The following TERT variants were observed in gnomAD, a reference collection of about 807,000 sequenced individuals.
TERT encodes the protein telomerase reverse transcriptase, also known as telomerase catalytic subunit.
TERT carries 42 observed loss-of-function variants against 104.0 expected under a neutral mutation model. That is an observed-to-expected ratio of 0.40 (90% CI 0.32 to 0.52). The LOEUF (loss-of-function observed/expected upper bound fraction) is 0.52, where lower values mean the gene tolerates loss of function less well. Ranked by LOEUF, TERT falls within the 20% of genes least tolerant of loss-of-function variation. The pLI is 0.43. For missense variants in TERT, 1,101 were observed against 1,610.3 expected (o/e 0.68, Z 5.41); for synonymous variants, 781 against 725.6 (o/e 1.08, Z -1.23).
chr5:1,253,273 T>C lies in TERT; in HGVS notation c.*455A>G, dbSNP rs982319143. ...CATCCAGGTGCAGGGTCCTCGCCTGTGTACAGGGCACACCTTTGGTCACTC... is the reference window on the plus strand; with the variant it reads ...CATCCAGGTGCAGGGTCCTCGCCTGCGTACAGGGCACACCTTTGGTCACTC... On this transcript the variant is annotated 3_prime_UTR_variant, in exon 16 of 16. Transcript: ENST00000310581. 2 of 314,176 alleles carry C rather than the reference T, an allele frequency of 6.4e-6. No homozygotes were observed. The highest frequency in any genetic ancestry group is 4.2e-5 in the African/African-American group (2 of 48,152). 19.5% of individuals were successfully genotyped at this position (314,176 alleles called of 1,614,324 possible).
rs939461904 is a variant in TERT, at chr5:1,269,040, C to T, written c.2469-407G>A. On this transcript the variant is annotated intron_variant, in intron 8 of 15. Coordinates refer to ENST00000310581, the MANE Select transcript of TERT (RefSeq NM_198253.3). The surrounding 1 kb of genome is among the most constrained non-coding windows in gnomAD (Gnocchi z 9.0). ...CATGACCCTACATGTAGCCGCTGCG[C>T]GCCAACGGATACAACCTTGCCCCTA... Among the ~76,000 whole-genome samples the T allele has an allele frequency of 5.9e-5, 9 of 151,920 alleles. No individual in the cohort carries two copies. The highest frequency in any genetic ancestry group is 8.8e-5 in the Non-Finnish European group (6 of 67,988).
chr5:1,258,840 C>T (rs953606922), intron 12 of TERT, among the ~76,000 whole-genome samples, 181 bp from the exon 13 acceptor site: 4 of 152,252 alleles, frequency 2.6e-5, no homozygotes, highest in Admixed American at 6.5e-5. Context: ...CCACCCTGGG[C>T]GAGTCAAGAC....
intron 6 of TERT, among the ~76,000 whole-genome samples, chr5:1,277,404 A>G (rs1338433831): frequency 6.6e-6 from 1 of 152,206 alleles, no homozygotes; most frequent in Non-Finnish European, 1.5e-5. Flanking sequence ...GGAAGGATAC[A>G]TCCACGTGGC....
At chr5:1,258,011 T>C (rs1192028589) in intron 13 of TERT, among the ~76,000 whole-genome samples, 1 of 152,216 alleles carries the variant, frequency 6.6e-6, no homozygotes, top group African/African-American at 2.4e-5. Context: ...CTCCACAGAT[T>C]GGCCCTTCCC....
At position 1,293,370 on chromosome 5, in the gene TERT, G is replaced by A. The variant is rs758250185; in HGVS notation, c.1516C>T (p.Gln506Ter). ...ACGCTCATCTTCCACGTCAGCTCCT[G>A]CAGCGAGAGCTTGGCATGCTTCCCC... ...SLGKHAKLSL[Q>*]ELTWKMSVRD... The change falls in exon 2 of 16, where the codon CAG becomes TAG. Residue 506 changes from glutamine to a stop codon, truncating the protein, a stop_gained. Transcript: ENST00000310581. LOFTEE classifies it high-confidence loss of function. 4 of 1,613,376 alleles carry A rather than the reference G, an allele frequency of 2.5e-6. No homozygotes were observed. The highest frequency in any genetic ancestry group is 3.4e-6 in the Non-Finnish European group (4 of 1,180,012).
intron 10 of TERT, among the ~76,000 whole-genome samples, chr5:1,266,217 C>T (rs528722087): frequency 1.2e-4 from 18 of 152,348 alleles, no homozygotes; most frequent in Admixed American, 5.9e-4. Context: ...GCACTCACCA[C>T]GTGTGTAACC....
intron 15 of TERT, 40 bp downstream of exon 15, chr5:1,254,328 T>C: frequency 6.2e-7 from 1 of 1,612,554 alleles, no homozygotes; most frequent in Non-Finnish European, 8.5e-7. Flanking sequence ...GGATGACCCC[T>C]GGGCAGGTGG....
intron 2 of TERT, 64 bp from the exon 3 acceptor site, chr5:1,282,688 G>A: frequency 1.3e-6 from 2 of 1,542,526 alleles, no homozygotes; most frequent in South Asian, 1.1e-5. Context: ...CCCCGGACCT[G>A]CACCATCCGG....
At position 1,277,977 on chromosome 5, in the gene TERT, C is replaced by T. The variant is rs35438621; in HGVS notation, c.2286+664G>A. Among the ~76,000 whole-genome samples the T allele has an allele frequency of 1.9e-3, 284 of 151,230 alleles. 1 individual carries two copies. Among genetic ancestry groups the T allele is most frequent in the African/African-American group, 6.4e-3 (260 of 40,528 alleles). On this transcript the variant is annotated intron_variant, in intron 6 of 15. Transcript: ENST00000310581. ...CCTGCCGAGCCCCAAGGCCCCCGGC[C>T]GCTCTGGGAGGAGTGTGTCCCGGGG...
chr5:1,284,452 C>CT (rs1750321342), intron 2 of TERT, among the ~76,000 whole-genome samples: 1 of 112,104 alleles, frequency 8.9e-6, no homozygotes, highest in African/African-American at 3.1e-5. Context: ...GGCGACCTCA[C>CT]CCCGGACCGG....
At chr5:1,290,176 A>G (rs1317359301) in intron 2 of TERT, among the ~76,000 whole-genome samples, 4 of 63,892 alleles carry the variant, frequency 6.3e-5, no homozygotes, top group South Asian at 4.8e-4. Context: ...ACCCGGGGAC[A>G]GTGCCTCACT....
At chr5:1,271,258 G>A in intron 7 of TERT, 54 bp from the exon 8 acceptor site, 1 of 1,338,080 alleles carries the variant, frequency 7.5e-7, no homozygotes, top group Non-Finnish European at 1.1e-6. Context: ...GCTGAGACAG[G>A]CAGGACCACG....
intron 2 of TERT, among the ~76,000 whole-genome samples, chr5:1,291,516 G>GGCC (rs1197788946): frequency 6.4e-5 from 7 of 108,552 alleles, no homozygotes; most frequent in African/African-American, 7.7e-5. Flanking sequence ...GACACCCGGG[G>GGCC]ACAGTGCCTC....
chr5:1,266,434 G>T (rs761097857), intron 10 of TERT, 30 bp downstream of exon 10: 3 of 1,577,620 alleles, frequency 1.9e-6, no homozygotes, highest in African/African-American at 1.3e-5. Flanking sequence ...GGCTGTGGAG[G>T]TCCCCACAGA....
In TERT at chr5:1,294,433, G is replaced by A. The variant is rs1231661722; in HGVS notation, c.453C>T (p.His151=). ...LRRVGDDVLV[H]LLARCALFVL... is the part of the protein sequence containing the mutation. ...CAAAGAGCGCGCAGCGTGCCAGCAGGTGAACCAGCACGTCGTCGCCCACGC... is the reference window on the plus strand; with the variant it reads ...CAAAGAGCGCGCAGCGTGCCAGCAGATGAACCAGCACGTCGTCGCCCACGC... Residue 151 remains histidine, a synonymous_variant, in exon 2 of 16, where the codon CAC becomes CAT. Transcript: ENST00000310581. 2 of 1,592,584 alleles carry A rather than the reference G, an allele frequency of 1.3e-6. No individual in the cohort carries two copies. The highest frequency in any genetic ancestry group is 2.2e-5 in the East Asian group (1 of 44,620).
chr5:1,278,355 A>C (rs1443657422), intron 6 of TERT, among the ~76,000 whole-genome samples: 2 of 152,124 alleles, frequency 1.3e-5, no homozygotes, highest in Non-Finnish European at 2.9e-5. Context: ...CACATCACAG[A>C]CATGCAGCAC....
chr5:1,281,448 G>T (rs967510809), intron 3 of TERT, among the ~76,000 whole-genome samples: 1 of 152,220 alleles, frequency 6.6e-6, no homozygotes, highest in Non-Finnish European at 1.5e-5. Flanking sequence ...CTGATCTTCT[G>T]ACTAAAGCCC....
chr5:1,266,521 A>C lies in TERT; in HGVS notation c.2597T>G (p.Leu866Trp). 1 of 1,610,278 alleles carries C rather than the reference A, an allele frequency of 6.2e-7. No homozygotes were observed. Among genetic ancestry groups the C allele is most frequent in the Non-Finnish European group, 8.5e-7 (1 of 1,178,300 alleles). The part of the protein sequence containing the change: ...GIRRDGLLLR[L>W]VDDFLLVTPH... ...TGTCACCAACAAGAAATCATCCACC[A>C]AACGCAGGAGCAGCCTAAAATAAGG... Residue 866 changes from leucine (L) to tryptophan (W), a missense_variant, in exon 10 of 16, where the codon TTG becomes TGG. Around this residue, in one of 5 missense-constraint regions of TERT, gnomAD observed 463 missense variants for 797.5 expected, o/e 0.58. Transcript: ENST00000310581.
chr5:1,278,502 C>CCA, intron 6 of TERT, 139 bp downstream of exon 6: 1 of 1,241,032 alleles, frequency 8.1e-7, no homozygotes, highest in Admixed American at 1.7e-5. Context: ...CACACACGTG[C>CCA]CACACACGCA....
Sources: gnomAD v4.1 joint callset for allele counts (sites outside exome capture counted in the v4.1 genomes callset) on GRCh38, gnomAD v4.1.1 for gene constraint, gnomAD v4.1.1 regional missense constraint, Gnocchi (gnomAD v3.1) non-coding constraint, MANE v1.5 for transcripts, NCBI Gene and HGNC (gene_info 2026-07-23, HGNC 2026-07-21) for gene names.